Variants in SHISA9 observed in about 807,000 individuals in gnomAD.
SHISA9 encodes the protein shisa family member 9, also known as protein shisa-9.
SHISA9 carries 13 observed loss-of-function variants against 38.0 expected under a neutral mutation model. That is an observed-to-expected ratio of 0.34 (90% confidence interval 0.22 to 0.54). The LOEUF is 0.54. Ranked by LOEUF, SHISA9 falls within the 20% of genes least tolerant of loss-of-function variation. SHISA9 has a pLI of 0.91. For synonymous variants in SHISA9, 275 were observed against 242.0 expected (o/e 1.14, Z -1.27); for missense variants, 538 against 575.8 (o/e 0.93, Z 0.67).
intron 2 of SHISA9, among the ~76,000 whole-genome samples, chr16:12,956,343 T>C (rs1023247361): frequency 6.6e-6 from 1 of 152,190 alleles, no homozygotes; most frequent in Non-Finnish European, 1.5e-5. Context: ...GAATTAAAAA[T>C]AGAACTACCA....
intron 2 of SHISA9, among the ~76,000 whole-genome samples, chr16:13,004,417 C>T (rs755814563): frequency 2.6e-5 from 4 of 152,172 alleles, no homozygotes; most frequent in Non-Finnish European, 5.9e-5. Context: ...AGTATCGGTT[C>T]ATGCTCTCTT....
chr16:13,099,887 G>T (rs565156919), intron 2 of SHISA9, among the ~76,000 whole-genome samples: 1 of 152,310 alleles, frequency 6.6e-6, no homozygotes, highest in South Asian at 2.1e-4. Context: ...AAAAATCCAG[G>T]AGATTAGAGA....
chr16:12,979,015 C>G (rs779400112), intron 2 of SHISA9, among the ~76,000 whole-genome samples: 9 of 152,126 alleles, frequency 5.9e-5, no homozygotes, highest in Non-Finnish European at 1.2e-4. Context: ...ATCCCAAATC[C>G]TCGTTATACA....
intron 2 of SHISA9, among the ~76,000 whole-genome samples, chr16:12,950,985 G>A (rs62029755): frequency 1.6e-4 from 24 of 150,656 alleles, no homozygotes; most frequent in Non-Finnish European, 3.0e-4. Flanking sequence ...ACTTTGTGGG[G>A]ACGAGGCGGG....
At chr16:13,318,886 A>G in the SHISA9 span, among the ~76,000 whole-genome samples, 9 of 152,240 alleles carry the variant, frequency 5.9e-5, no homozygotes, top group East Asian at 1.7e-3. Context: ...TTCTAAATCA[A>G]GTCTGAATTC....
the SHISA9 span, among the ~76,000 whole-genome samples, chr16:13,305,360 G>A: frequency 4.6e-5 from 7 of 152,322 alleles, no homozygotes; most frequent in South Asian, 1.5e-3. Context: ...TCCAATGACT[G>A]TGACTCCAGG....
At chr16:13,106,740 A>G (rs540943189) in intron 2 of SHISA9, among the ~76,000 whole-genome samples, 1 of 152,310 alleles carries the variant, frequency 6.6e-6, no homozygotes, top group East Asian at 1.9e-4. Flanking sequence ...TGGCTAGAAA[A>G]AAAAAATCAG....
rs377119773 is a variant in SHISA9, at chr16:12,975,957, C to A, written c.691+59142C>A. The stretch of plus-strand genomic sequence containing the variant: ...TTAATTCATCAGCAAATCTGATGAC[C>A]CGGGGCATCCTGACTAATCAAACTT... On this transcript the variant is annotated intron_variant, in intron 2 of 4. Coordinates refer to ENST00000558583, the MANE Select transcript of SHISA9 (RefSeq NM_001145204.3). Among the ~76,000 whole-genome samples the A allele has an allele frequency of 1.8e-4, 27 of 152,076 alleles. No individual in the cohort carries two copies. In the East Asian group the frequency reaches 5.0e-3, roughly 28 times the overall value.
intron 4 of SHISA9, among the ~76,000 whole-genome samples, chr16:13,227,482 T>A (rs539509380): frequency 6.6e-6 from 1 of 152,238 alleles, no homozygotes; most frequent in South Asian, 2.1e-4. Context: ...TGGTCCCACG[T>A]GAGATGTAAG....
In SHISA9 at chr16:12,908,481, T is replaced by C. The variant is rs1288621905; in HGVS notation, c.563+5854T>C. 4 of 1,552,184 alleles carry C rather than the reference T, an allele frequency of 2.6e-6. No individual in the cohort carries two copies. The African/African-American group carries it at 5.5e-5, about 21-fold the overall frequency. On this transcript the variant is annotated intron_variant, in intron 1 of 4. Coordinates refer to ENST00000558583, the MANE Select transcript of SHISA9 (RefSeq NM_001145204.3). ...CATACCCTTCCCCCATGAGGTAGGC[T>C]CTATGACAATCTGCTGTTTATGGAG...
intron 4 of SHISA9, among the ~76,000 whole-genome samples, chr16:13,230,769 G>A (rs971483938): frequency 6.6e-6 from 1 of 152,174 alleles, no homozygotes; most frequent in Non-Finnish European, 1.5e-5. Context: ...AGGGCTGCTG[G>A]TTACTCATTT....
Position 13,235,430 on chromosome 16 carries a change from C to T in SHISA9, c.*21C>T, listed in dbSNP as rs1455422326. ...TCTGAGCTTTCACCACAGGGAGCACCCTGGAGACCACACTCAACTGAGAGA... is the reference window on the plus strand; with the variant it reads ...TCTGAGCTTTCACCACAGGGAGCACTCTGGAGACCACACTCAACTGAGAGA... On this transcript the variant is annotated 3_prime_UTR_variant, in exon 5 of 5. Transcript: ENST00000558583. 1.3e-6 allele frequency: 2 copies of T among 1,522,432 alleles called. No individual in the cohort carries two copies. Among genetic ancestry groups the T allele is most frequent in the African/African-American group, 2.8e-5 (2 of 72,596 alleles). 94.3% of individuals were successfully genotyped at this position (1,522,432 alleles called of 1,614,324 possible).
chr16:12,948,023 C>T (rs1021930915), intron 2 of SHISA9, among the ~76,000 whole-genome samples: 1 of 152,158 alleles, frequency 6.6e-6, no homozygotes, highest in African/African-American at 2.4e-5. Context: ...GGCTAGGTAG[C>T]CTCCATTTAT....
At chr16:13,131,849 T>C (rs895966411) in intron 2 of SHISA9, among the ~76,000 whole-genome samples, 1 of 152,146 alleles carries the variant, frequency 6.6e-6, no homozygotes, top group Non-Finnish European at 1.5e-5. Context: ...CTTCCTAAGA[T>C]AATGTTCTTT....
At chr16:13,557,821 C>A in the SHISA9 span, among the ~76,000 whole-genome samples, 147 of 152,188 alleles carry the variant, frequency 9.7e-4, no homozygotes, top group African/African-American at 3.4e-3. Flanking sequence ...TCATCTTCTC[C>A]CACTGTCCCC....
At chr16:13,510,096 A>T in the SHISA9 span, among the ~76,000 whole-genome samples, 6 of 152,152 alleles carry the variant, frequency 3.9e-5, no homozygotes, top group Non-Finnish European at 7.4e-5. Flanking sequence ...ACCTGAGGTC[A>T]GGAGTTCGAG....
chr16:13,034,034 A>C (rs569031858), intron 2 of SHISA9, among the ~76,000 whole-genome samples: 46 of 152,006 alleles, frequency 3.0e-4, no homozygotes, highest in African/African-American at 1.1e-3. Context: ...TAATGCAGCT[A>C]CTCGGGAGGC....
intron 2 of SHISA9, among the ~76,000 whole-genome samples, chr16:13,109,322 A>T (rs756049418): frequency 1.2e-4 from 18 of 152,132 alleles, no homozygotes; most frequent in Non-Finnish European, 2.1e-4. Context: ...CACCATGCCC[A>T]GCTAAGATCC....
the SHISA9 span, among the ~76,000 whole-genome samples, chr16:13,415,846 C>G: frequency 6.7e-6 from 1 of 150,268 alleles, no homozygotes; most frequent in East Asian, 2.0e-4. Context: ...GATTTGCTTA[C>G]AAGAGTAAAT....
Sources: allele counts gnomAD v4.1 joint callset (sites outside exome capture counted in the v4.1 genomes callset), GRCh38; gene constraint gnomAD v4.1.1; transcripts MANE v1.5; gene names NCBI Gene and HGNC (gene_info 2026-07-23, HGNC 2026-07-21).